The following VIT variants were observed in gnomAD, a reference collection of about 807,000 sequenced individuals.
VIT encodes the protein vitrin.
A neutral mutation model predicts 78.0 loss-of-function variants in VIT; 99 were observed. The ratio of observed to expected loss-of-function variants is 1.27; its 90% CI spans 1.08 to 1.50. VIT has a LOEUF of 1.50. VIT is among the 40% of genes most tolerant of loss of function. The pLI is 0.00. For missense variants in VIT, 1,126 were observed against 875.3 expected, an observed-to-expected ratio of 1.29 and a Z score of -3.61; for synonymous variants, 374 against 334.3, an observed-to-expected ratio of 1.12 and a Z score of -1.29.
At position 36,814,383 on chromosome 2, in the gene VIT, A is replaced by C. The variant is rs376845565; in HGVS notation, c.*22A>C. 2 of 1,612,522 alleles carry C rather than the reference A, an allele frequency of 1.2e-6. No individual in the cohort carries two copies. The highest frequency in any genetic ancestry group is 2.7e-5 in the African/African-American group (2 of 74,934). On this transcript the variant is annotated 3_prime_UTR_variant, in exon 16 of 16. Transcript: ENST00000379242. ...CTGAATTCAGAGCAGGCAGAGCACC[A>C]GCAAGTGCTGCTTTACTAACTGACG...
At position 36,772,001 on chromosome 2, in the gene VIT, T is replaced by C. The variant is rs539697600; in HGVS notation, c.680-1790T>C. On this transcript the variant is annotated intron_variant, in intron 7 of 15. Coordinates refer to ENST00000379242, the MANE Select transcript of VIT (RefSeq NM_053276.4). ...GGGATACAACTCTGTATGCCAGAATTGTATACCAGTAACTGCTGGCTAGAG... is the reference window on the plus strand; with the variant it reads ...GGGATACAACTCTGTATGCCAGAATCGTATACCAGTAACTGCTGGCTAGAG... 2.5e-3 allele frequency among the ~76,000 whole-genome samples: 381 copies of C among 152,298 alleles called. 2 individuals are homozygous for C. Among genetic ancestry groups the C allele is most frequent in the Middle Eastern group, 0.014 (4 of 294 alleles).
At chr2:36,720,460 C>T (rs556302551) in intron 2 of VIT, among the ~76,000 whole-genome samples, 13 of 152,094 alleles carry the variant, frequency 8.5e-5, no homozygotes, top group African/African-American at 2.9e-4. Flanking sequence ...GTAATTGGGC[C>T]CTTAGCTCAC....
At position 36,766,152 on chromosome 2, in the gene VIT, C is replaced by T. The variant is rs78846063; in HGVS notation, c.488-942C>T. Among the ~76,000 whole-genome samples the T allele has an allele frequency of 5.5e-3, 844 of 152,320 alleles. 2 individuals carry two copies. The highest frequency in any genetic ancestry group is 8.9e-3 in the Non-Finnish European group (608 of 68,036). The stretch of plus-strand genomic sequence containing the variant: ...CAGAGCACTAACAAACTGAGACTTG[C>T]TTTATAGGGAGCCAACTACAGCGGT... On this transcript the variant is annotated intron_variant, in intron 6 of 15. Coordinates refer to ENST00000379242, the MANE Select transcript of VIT (RefSeq NM_053276.4).
chr2:36,807,478 G>T (rs1666815932), intron 14 of VIT, among the ~76,000 whole-genome samples: 1 of 152,184 alleles, frequency 6.6e-6, no homozygotes, highest in African/African-American at 2.4e-5. Flanking sequence ...TACCTCACAT[G>T]TCATGAGCTC....
chr2:36,732,287 G>T (rs1411170360), intron 3 of VIT, among the ~76,000 whole-genome samples: 3 of 152,190 alleles, frequency 2.0e-5, no homozygotes, highest in South Asian at 4.1e-4. Flanking sequence ...GATCTCAAAT[G>T]GATTGAATTT....
chr2:36,731,220 T>A (rs144890281), intron 3 of VIT, among the ~76,000 whole-genome samples: 2 of 152,228 alleles, frequency 1.3e-5, no homozygotes, highest in Non-Finnish European at 2.9e-5. Flanking sequence ...AACCCCTCTC[T>A]TTAAGTACTA....
chr2:36,732,249 A>T (rs889706082), intron 3 of VIT, among the ~76,000 whole-genome samples: 1 of 152,220 alleles, frequency 6.6e-6, no homozygotes, highest in African/African-American at 2.4e-5. Context: ...GTCTGTGCTA[A>T]ATGACCCAAG....
Position 36,743,252 on chromosome 2 carries a change from C to T in VIT, c.271C>T (p.His91Tyr), listed in dbSNP as rs1195168998. 2 of 1,613,356 alleles carry T rather than the reference C, an allele frequency of 1.2e-6. No individual in the cohort carries two copies. The highest frequency in any genetic ancestry group is 1.7e-6 in the Non-Finnish European group (2 of 1,179,482). Residue 91 changes from histidine to tyrosine, a missense_variant, in exon 4 of 16, where the codon CAC becomes TAC. By Grantham distance (83) the His-to-Tyr change is moderately conservative. Transcript: ENST00000379242. The stretch of plus-strand genomic sequence containing the variant: ...CTCCAGTGTGTGTGGCGCTGCCGTA[C>T]ACAGGTGAGTGGTTCTGAGCTACTT... Reference protein sequence around the residue: ...SYSSVCGAAVHSGVLDNSGGK... With the variant: ...SYSSVCGAAVYSGVLDNSGGK...
intron 8 of VIT, chr2:36,774,541 C>A: frequency 1.0e-6 from 1 of 985,442 alleles, no homozygotes; most frequent in Non-Finnish European, 1.2e-6. Context: ...CTTCTCCCTG[C>A]TGGGGGATAC....
At chr2:36,729,648 C>T (rs1246269761) in intron 3 of VIT, among the ~76,000 whole-genome samples, 157 bp downstream of exon 3, 2 of 152,134 alleles carry the variant, frequency 1.3e-5, no homozygotes, top group South Asian at 4.1e-4. Context: ...TTATCCCCTA[C>T]CACATTCCAA....
chr2:36,768,502 A>G (rs1669570966), intron 7 of VIT, among the ~76,000 whole-genome samples: 3 of 152,214 alleles, frequency 2.0e-5, no homozygotes, highest in Admixed American at 2.0e-4. Context: ...CACCTTACAA[A>G]TATTAGCCTA....
intron 2 of VIT, among the ~76,000 whole-genome samples, chr2:36,723,850 T>C (rs1006003587): frequency 6.6e-6 from 1 of 151,316 alleles, no homozygotes; most frequent in Admixed American, 6.6e-5. Flanking sequence ...GTTTGGGAGG[T>C]TGAGGCAGGA....
intron 2 of VIT, among the ~76,000 whole-genome samples, chr2:36,717,075 C>G (rs1287782684): frequency 6.6e-6 from 1 of 151,880 alleles, no homozygotes; most frequent in South Asian, 2.1e-4. Context: ...CGGGGTTTCA[C>G]CATGCTGGCC....
intron 1 of VIT, among the ~76,000 whole-genome samples, chr2:36,697,933 G>C (rs1032633737): frequency 2.6e-5 from 4 of 152,204 alleles, no homozygotes; most frequent in African/African-American, 9.6e-5. Context: ...AAGTTCTGAG[G>C]TTGTTTTTCC....
rs750473146 is a variant in VIT, at chr2:36,787,294, T to C, written c.1058+18T>C. 3 of 1,598,862 alleles carry C rather than the reference T, an allele frequency of 1.9e-6. No homozygotes were observed. In the South Asian group the frequency reaches 3.4e-5, roughly 18 times the overall value. On this transcript the variant is annotated intron_variant, in intron 12 of 15. Coordinates refer to ENST00000379242, the MANE Select transcript of VIT (RefSeq NM_053276.4). ...CAGTATGGGTAAGTGCAGTTAATGT[T>C]CTGAATCCAGAAAGGAAGTCATGCC...
chr2:36,732,255 C>G (rs570556558), intron 3 of VIT, among the ~76,000 whole-genome samples: 5 of 152,266 alleles, frequency 3.3e-5, no homozygotes, highest in African/African-American at 9.6e-5. Flanking sequence ...GCTAAATGAC[C>G]CAAGGGCAAA....
chr2:36,760,523 C>T (rs1257600214), intron 6 of VIT, among the ~76,000 whole-genome samples: 3 of 152,142 alleles, frequency 2.0e-5, no homozygotes, highest in Non-Finnish European at 4.4e-5. Context: ...TCTGGTGCCT[C>T]GTGGGCCATT....
At chr2:36,724,085 C>A (rs1393460377) in intron 2 of VIT, among the ~76,000 whole-genome samples, 1 of 151,098 alleles carries the variant, frequency 6.6e-6, no homozygotes, top group East Asian at 1.9e-4. Flanking sequence ...GTGGTGCGAT[C>A]TCGGCTCATT....
intron 5 of VIT, 23 bp downstream of exon 5, chr2:36,755,077 C>T (rs764116252): frequency 5.0e-6 from 8 of 1,604,038 alleles, no homozygotes; most frequent in African/African-American, 2.7e-5. Context: ...ACTGGAGAAA[C>T]GCTGCTAAAC....
Sources: gnomAD v4.1 joint callset for allele counts (sites outside exome capture counted in the v4.1 genomes callset) on GRCh38, gnomAD v4.1.1 for gene constraint, MANE v1.5 for transcripts, NCBI Gene and HGNC (gene_info 2026-07-23, HGNC 2026-07-21) for gene names.